HCN1: variants seen among roughly 807,000 people sequenced by gnomAD.
HCN1 encodes hyperpolarization activated cyclic nucleotide gated potassium channel 1, also known as potassium/sodium hyperpolarization-activated cyclic nucleotide-gated channel 1.
HCN1 carries 13 observed loss-of-function variants against 78.9 expected under a neutral mutation model. The ratio of observed to expected loss-of-function variants is 0.16; its 90% CI spans 0.11 to 0.26. HCN1 has a LOEUF of 0.26. HCN1 is among the 10% of genes least tolerant of loss of function. The probability of loss-of-function intolerance (pLI) is 1.00; values close to 1 mark genes in which losing one functional copy is unlikely to be tolerated. For synonymous variants in HCN1, 552 were observed against 455.5 expected (o/e 1.21, Z -2.70); for missense variants, 810 against 1,154.3 (o/e 0.70, Z 4.32).
At chr5:45,378,876 G>C (rs1747745755) in intron 4 of HCN1, among the ~76,000 whole-genome samples, 1 of 151,948 alleles carries the variant, frequency 6.6e-6, no homozygotes, top group Non-Finnish European at 1.5e-5. Flanking sequence ...TGCGGTGTTT[G>C]TTTTTTTGTC....
At chr5:45,493,829 C>A (rs1741955863) in intron 2 of HCN1, among the ~76,000 whole-genome samples, 1 of 149,806 alleles carries the variant, frequency 6.7e-6, no homozygotes, top group Non-Finnish European at 1.5e-5. Flanking sequence ...CAATTCCCAC[C>A]TATGAGTGAG....
intron 3 of HCN1, among the ~76,000 whole-genome samples, chr5:45,422,476 A>G (rs1359109470): frequency 1.3e-5 from 2 of 152,128 alleles, no homozygotes; most frequent in African/African-American, 4.8e-5. Flanking sequence ...TAACTCACTT[A>G]AACCTAATCA....
intron 6 of HCN1, among the ~76,000 whole-genome samples, chr5:45,272,027 T>C (rs539161311): frequency 6.6e-6 from 1 of 152,244 alleles, no homozygotes; most frequent in East Asian, 1.9e-4. Flanking sequence ...AAAGCCTCCA[T>C]ACTCTGTTTC....
chr5:45,581,878 A>G (rs1453763214), intron 2 of HCN1, among the ~76,000 whole-genome samples: 4 of 152,192 alleles, frequency 2.6e-5, no homozygotes, highest in Middle Eastern at 6.8e-3. Flanking sequence ...CCATTGGTCT[A>G]TATTTCTGCT....
At chr5:45,536,191 T>C (rs765489411) in intron 2 of HCN1, among the ~76,000 whole-genome samples, 2 of 152,168 alleles carry the variant, frequency 1.3e-5, no homozygotes, top group Non-Finnish European at 2.9e-5. Context: ...CCTTTGCATT[T>C]ATTATTTTTG....
At chr5:45,495,904 T>C (rs1742016057) in intron 2 of HCN1, among the ~76,000 whole-genome samples, 1 of 152,208 alleles carries the variant, frequency 6.6e-6, no homozygotes, top group South Asian at 2.1e-4. Flanking sequence ...GGATTACATT[T>C]ATTGATTTGC....
intron 3 of HCN1, among the ~76,000 whole-genome samples, chr5:45,446,490 C>T (rs896066647): frequency 6.6e-6 from 1 of 152,052 alleles, no homozygotes; most frequent in African/African-American, 2.4e-5. Flanking sequence ...AGAACTTCCC[C>T]AATCTAGCAA....
chr5:45,369,666 G>T (rs1005326522), intron 4 of HCN1, among the ~76,000 whole-genome samples: 1 of 152,050 alleles, frequency 6.6e-6, no homozygotes, highest in African/African-American at 2.4e-5. Context: ...ACAGATTATA[G>T]AAAATCCTGT....
chr5:45,470,890 T>G (rs376596584), intron 2 of HCN1, among the ~76,000 whole-genome samples: 2 of 151,938 alleles, frequency 1.3e-5, no homozygotes, highest in African/African-American at 4.8e-5. Context: ...TCTCTAGACC[T>G]ACTGGAGAGC....
chr5:45,569,988 G>A (rs1743791509), intron 2 of HCN1, among the ~76,000 whole-genome samples: 1 of 151,980 alleles, frequency 6.6e-6, no homozygotes, highest in Admixed American at 6.6e-5. Flanking sequence ...AGACAGATTT[G>A]ACTAAAAGCT....
intron 3 of HCN1, among the ~76,000 whole-genome samples, chr5:45,454,392 T>C (rs1399373470): frequency 6.6e-6 from 1 of 151,790 alleles, no homozygotes; most frequent in Non-Finnish European, 1.5e-5. Flanking sequence ...TACTTTATTA[T>C]TATAACTCAT....
intron 2 of HCN1, among the ~76,000 whole-genome samples, chr5:45,574,421 T>C (rs1423738181): frequency 3.9e-5 from 6 of 152,114 alleles, no homozygotes; most frequent in Admixed American, 3.9e-4. Flanking sequence ...CCATGCCATG[T>C]AAGATGACAA....
intron 2 of HCN1, among the ~76,000 whole-genome samples, chr5:45,466,185 C>G (rs748673126): frequency 1.3e-5 from 2 of 152,112 alleles, no homozygotes; most frequent in Admixed American, 6.6e-5. Context: ...TGGCTTAATT[C>G]TTTTAAAATG....
At chr5:45,397,223 T>C (rs1739703999) in intron 3 of HCN1, among the ~76,000 whole-genome samples, 2 of 152,162 alleles carry the variant, frequency 1.3e-5, no homozygotes, top group Non-Finnish European at 2.9e-5. Flanking sequence ...TGAACAAATA[T>C]ATATTGGAAA....
chr5:45,538,657 G>GT (rs1663464788), intron 2 of HCN1, among the ~76,000 whole-genome samples: 1 of 152,062 alleles, frequency 6.6e-6, no homozygotes, highest in African/African-American at 2.4e-5. Flanking sequence ...TAAAAGAGCT[G>GT]TAAGATTAAA....
rs976657278 is a variant in HCN1, at chr5:45,255,346, C to T, written c.*6575G>A. 1.3e-5 allele frequency: 2 copies of T among 152,142 alleles called. No individual in the cohort carries two copies. The highest frequency in any genetic ancestry group is 4.8e-5 in the African/African-American group (2 of 41,432). The allele number at this position is 152,142 out of a possible 1,614,324, so 9.4% of individuals were successfully genotyped here. On this transcript the variant is annotated 3_prime_UTR_variant, in exon 8 of 8. Transcript: ENST00000303230. Reference sequence around the variant, plus strand: ...ACACTTGGAAGTTCCCTTAAAAAGCCCTTAAAATTTACCTCCTCTAGGACT... The same window carrying T: ...ACACTTGGAAGTTCCCTTAAAAAGCTCTTAAAATTTACCTCCTCTAGGACT...
At chr5:45,355,237 G>C (rs1400421886) in intron 4 of HCN1, among the ~76,000 whole-genome samples, 1 of 151,902 alleles carries the variant, frequency 6.6e-6, no homozygotes, top group Admixed American at 6.6e-5. Context: ...TTTGAAGTTT[G>C]AATCTATATT....
At chr5:45,459,331 G>C (rs1045910098) in intron 3 of HCN1, among the ~76,000 whole-genome samples, 55 of 149,596 alleles carry the variant, frequency 3.7e-4, no homozygotes, top group Non-Finnish European at 4.9e-4. Flanking sequence ...CTACATTCGA[G>C]TTACACATGG....
chr5:45,471,618 CAT>C (rs372862857), intron 2 of HCN1, among the ~76,000 whole-genome samples: 12 of 151,920 alleles, frequency 7.9e-5, no homozygotes, highest in African/African-American at 2.7e-4. Flanking sequence ...AGAAAGCCCA[CAT>C]GTGTTATCTT....
Sources: allele counts gnomAD v4.1 joint callset (sites outside exome capture counted in the v4.1 genomes callset), GRCh38; gene constraint gnomAD v4.1.1; transcripts MANE v1.5; gene names NCBI Gene and HGNC (gene_info 2026-07-23, HGNC 2026-07-21).